The following ACOXL variants were observed in gnomAD, a reference collection of about 807,000 sequenced individuals.
ACOXL encodes the protein acyl-coenzyme A oxidase-like protein.
Under a neutral mutation model 71.9 loss-of-function variants are expected in ACOXL, and 70 were observed. The ratio of observed to expected loss-of-function variants is 0.97; its 90% CI spans 0.80 to 1.19. The LOEUF is 1.19. Ranked by LOEUF, ACOXL falls within the 50% of genes most tolerant of loss-of-function variation. ACOXL has a pLI of 0.00. For synonymous variants in ACOXL, 253 were observed against 281.6 expected, an observed-to-expected ratio of 0.90 and a Z score of 1.02; for missense variants, 703 against 736.3, an observed-to-expected ratio of 0.95 and a Z score of 0.52.
At chr2:110,935,635 C>T (rs1411600206) in intron 12 of ACOXL, among the ~76,000 whole-genome samples, 1 of 152,212 alleles carries the variant, frequency 6.6e-6, no homozygotes, top group Admixed American at 6.5e-5. Context: ...GAACTCTGCG[C>T]CCAGTAGCTC....
chr2:110,957,738 G>A (rs962279050), intron 12 of ACOXL, among the ~76,000 whole-genome samples: 1 of 152,160 alleles, frequency 6.6e-6, no homozygotes, highest in Non-Finnish European at 1.5e-5. Flanking sequence ...TTCTGAGATT[G>A]TGGGAGTTAG....
intron 11 of ACOXL, among the ~76,000 whole-genome samples, chr2:110,911,603 G>A (rs534791454): frequency 1.3e-5 from 2 of 151,980 alleles, no homozygotes; most frequent in Non-Finnish European, 2.9e-5. Flanking sequence ...AATAGAATAT[G>A]TGAAAAAAAA....
intron 17 of ACOXL, chr2:111,093,771 C>A: frequency 7.6e-6 from 3 of 393,398 alleles, no homozygotes; most frequent in Non-Finnish European, 1.4e-5. Flanking sequence ...GGCTGAGGCA[C>A]GAGAATCGCT....
chr2:110,911,547 TG>T (rs2059650004), intron 11 of ACOXL, among the ~76,000 whole-genome samples: 1 of 152,028 alleles, frequency 6.6e-6, no homozygotes, highest in Non-Finnish European at 1.5e-5. Flanking sequence ...ATCCCAGGAA[TG>T]CAAGGTTGGT....
intron 10 of ACOXL, among the ~76,000 whole-genome samples, chr2:110,856,717 A>G (rs529720747): frequency 3.5e-4 from 53 of 152,332 alleles, no homozygotes; most frequent in African/African-American, 1.2e-3. Context: ...GAAGACATGG[A>G]CAGGAATATG....
At chr2:111,035,888 C>G (rs2065487243) in intron 15 of ACOXL, among the ~76,000 whole-genome samples, 1 of 152,236 alleles carries the variant, frequency 6.6e-6, no homozygotes, top group Non-Finnish European at 1.5e-5. Context: ...TTTATATAAA[C>G]TACATTCACC....
chr2:110,794,832 G>A (rs541745218), intron 5 of ACOXL, among the ~76,000 whole-genome samples: 7 of 151,562 alleles, frequency 4.6e-5, no homozygotes, highest in Non-Finnish European at 8.8e-5. Context: ...CTAAAAAGAT[G>A]TTGGCTAAGT....
intron 9 of ACOXL, among the ~76,000 whole-genome samples, chr2:110,839,053 C>A (rs1021319945): frequency 6.6e-6 from 1 of 152,194 alleles, no homozygotes; most frequent in African/African-American, 2.4e-5. Context: ...AAAAACACTT[C>A]ATTGAAATTC....
At chr2:110,943,014 GAGAA>G (rs767574520) in intron 12 of ACOXL, among the ~76,000 whole-genome samples, 20 of 136,484 alleles carry the variant, frequency 1.5e-4, no homozygotes, top group African/African-American at 4.4e-4. Flanking sequence ...AGGAAAGAAA[GAGAA>G]AGGAAGGAAG....
intron 10 of ACOXL, among the ~76,000 whole-genome samples, chr2:110,894,092 T>C (rs1381861500): frequency 6.6e-6 from 1 of 152,074 alleles, no homozygotes; most frequent in African/African-American, 2.4e-5. Context: ...TCTAAATATG[T>C]CATATTTGAA....
chr2:110,908,818 AAGAGGTGAAGATCATTG>A lies in ACOXL; in HGVS notation c.821_837del (p.Glu274AlafsTer31), dbSNP rs2059551377. ...AGGCAGTTTGGGCCCAAAACCAAGGAAGAGGTGAAGATCATTGAGCACCAAACACAGACCCTGCGGCT... is the reference window on the plus strand; with the variant it reads ...AGGCAGTTTGGGCCCAAAACCAAGGAAGCACCAAACACAGACCCTGCGGCT... On this transcript the variant is annotated frameshift_variant, in exon 11 of 18. Transcript: ENST00000439055. LOFTEE classifies it high-confidence loss of function. 1 of 1,613,978 alleles carries A rather than the reference AAGAGGTGAAGATCATTG, an allele frequency of 6.2e-7. No homozygotes were observed. Among genetic ancestry groups the A allele is most frequent in the South Asian group, 1.1e-5 (1 of 91,066 alleles).
At chr2:110,805,216 G>A (rs375427266) in intron 8 of ACOXL, 47 bp from the exon 9 acceptor site, 8 of 1,607,318 alleles carry the variant, frequency 5.0e-6, no homozygotes, top group Admixed American at 1.7e-5. Context: ...GTTTCTGGTG[G>A]TGCTATGTCC....
At chr2:110,907,814 A>G (rs1205756288) in intron 10 of ACOXL, among the ~76,000 whole-genome samples, 4 of 152,254 alleles carry the variant, frequency 2.6e-5, no homozygotes, top group African/African-American at 9.6e-5. Flanking sequence ...ATATTTAAGT[A>G]TAAGATTATG....
intron 1 of ACOXL, among the ~76,000 whole-genome samples, chr2:110,740,931 G>A (rs1677446969): frequency 6.6e-6 from 1 of 152,244 alleles, no homozygotes; most frequent in Admixed American, 6.5e-5. Flanking sequence ...GTTGTCCTTG[G>A]TCCTGTCTAG....
chr2:110,761,670 G>C (rs1334436198), intron 1 of ACOXL, among the ~76,000 whole-genome samples: 3 of 152,174 alleles, frequency 2.0e-5, no homozygotes, highest in African/African-American at 7.2e-5. Context: ...GTTGCTGATG[G>C]TTTGCTTCCC....
chr2:110,979,246 A>G (rs56088557), intron 12 of ACOXL, among the ~76,000 whole-genome samples: 42,373 of 152,002 alleles, frequency 0.28, 6,662 homozygotes, highest in African/African-American at 0.41. Context: ...AAGAACGCCA[A>G]CCATGCTCCT....
At chr2:110,900,652 G>T (rs978566886) in intron 10 of ACOXL, among the ~76,000 whole-genome samples, 3 of 152,202 alleles carry the variant, frequency 2.0e-5, no homozygotes, top group Non-Finnish European at 2.9e-5. Flanking sequence ...TTGGTCCCAG[G>T]ATGGTCTCCT....
chr2:110,899,037 G>A (rs1650315001), intron 10 of ACOXL, among the ~76,000 whole-genome samples: 1 of 152,170 alleles, frequency 6.6e-6, no homozygotes, highest in Admixed American at 6.5e-5. Flanking sequence ...AAAAGCATGT[G>A]TAAGACTCCT....
intron 12 of ACOXL, among the ~76,000 whole-genome samples, chr2:110,953,116 A>T (rs1211564436): frequency 1.3e-5 from 2 of 152,150 alleles, no homozygotes; most frequent in African/African-American, 4.8e-5. Flanking sequence ...CAATGGCCCT[A>T]TAGAGAAGGA....
Sources: gnomAD v4.1 joint callset for allele counts (sites outside exome capture counted in the v4.1 genomes callset) on GRCh38, gnomAD v4.1.1 for gene constraint, MANE v1.5 for transcripts, NCBI Gene and HGNC (gene_info 2026-07-23, HGNC 2026-07-21) for gene names.